MTO1: variants seen among roughly 807,000 people sequenced by gnomAD.
MTO1 encodes the protein 5-taurinomethyluridine-[tRNA] synthase subunit MTO1, mitochondrial.
Under a neutral mutation model 71.6 loss-of-function variants are expected in MTO1, and 46 were observed. The ratio of observed to expected loss-of-function variants is 0.64; its 90% confidence interval spans 0.51 to 0.82. The LOEUF (loss-of-function observed/expected upper bound fraction) is 0.82. Among genes scored for constraint, MTO1 ranks in the 40% least tolerant of loss-of-function variants. The probability of loss-of-function intolerance (pLI) is 0.00; values close to 1 mark genes in which losing one functional copy is unlikely to be tolerated. For missense variants in MTO1, 773 were observed against 867.5 expected, an observed-to-expected ratio of 0.89 and a Z score of 1.37; for synonymous variants, 297 against 312.1, an observed-to-expected ratio of 0.95 and a Z score of 0.51.
At chr6:73,485,940 TAC>T (rs57534567) in intron 9 of MTO1, among the ~76,000 whole-genome samples, 18 of 151,016 alleles carry the variant, frequency 1.2e-4, no homozygotes, top group African/African-American at 2.2e-4. Context: ...GCGTAACACA[TAC>T]ACACACACAC....
chr6:73,477,951 C>T (rs887145442), intron 4 of MTO1, among the ~76,000 whole-genome samples: 9 of 151,978 alleles, frequency 5.9e-5, no homozygotes, highest in African/African-American at 1.9e-4. Context: ...ACCTATCTCT[C>T]GAGTTTTAAA....
intron 9 of MTO1, chr6:73,488,009 G>A (rs1277788163): frequency 6.6e-6 from 1 of 152,096 alleles, no homozygotes; most frequent in Non-Finnish European, 1.5e-5. Context: ...TCTGTTTTTT[G>A]ATAGTAGCCA....
chr6:73,479,737 AGAT>A lies in MTO1; in HGVS notation c.832_834del (p.Asp278del). On this transcript the variant is annotated inframe_deletion, in exon 5 of 12. Coordinates refer to ENST00000498286, the MANE Select transcript of MTO1 (RefSeq NM_012123.4). Reference sequence around the variant, plus strand: ...ATCTGGTTACTGTTTTTTAGCCAGAAGATCAGCTGCCATGTTACTTGACTCACA... The same window carrying A: ...ATCTGGTTACTGTTTTTTAGCCAGAACAGCTGCCATGTTACTTGACTCACA... 1 of 1,609,600 alleles carries A rather than the reference AGAT, an allele frequency of 6.2e-7. No individual in the cohort carries two copies. The highest frequency in any genetic ancestry group is 1.7e-5 in the Admixed American group (1 of 59,118).
intron 9 of MTO1, 167 bp from the exon 10 acceptor site, chr6:73,492,067 A>C: frequency 2.0e-6 from 1 of 508,892 alleles, no homozygotes; most frequent in Non-Finnish European, 3.5e-6. Context: ...GTACCACTGC[A>C]CTACAGTTGA....
At position 73,482,634 on chromosome 6, in the gene MTO1, A is replaced by G. The variant is rs758677986; in HGVS notation, c.1637+14A>G. 8.3e-6 allele frequency: 13 copies of G among 1,569,090 alleles called. No homozygotes were observed. Among genetic ancestry groups the G allele is most frequent in the African/African-American group, 1.4e-5 (1 of 72,442 alleles). On this transcript the variant is annotated intron_variant, in intron 9 of 11. Coordinates refer to ENST00000498286, the MANE Select transcript of MTO1 (RefSeq NM_012123.4). The stretch of plus-strand genomic sequence containing the variant: ...TCTGCCTGTCAGGTATGCATTTTTA[A>G]TATAGACCTTTCTCACTTTTTATAG...
At position 73,507,713 on chromosome 6, in the gene MTO1, C is replaced by T. The variant is rs563059779; in HGVS notation, c.*6978C>T. The stretch of plus-strand genomic sequence containing the variant: ...TCCATCCCGGCAGGGTGCGGTGGCT[C>T]ACGCCTGTAATCCCAACACTTTGGG... On this transcript the variant is annotated 3_prime_UTR_variant, in exon 12 of 12. Coordinates refer to ENST00000498286, the MANE Select transcript of MTO1 (RefSeq NM_012123.4). 6.6e-6 allele frequency: 1 copy of T among 152,298 alleles called. No homozygotes were observed. Among genetic ancestry groups the T allele is most frequent in the Non-Finnish European group, 1.5e-5 (1 of 68,132 alleles). 9.4% of individuals were successfully genotyped at this position (152,298 alleles called of 1,614,324 possible).
chr6:73,500,607 C>A lies in MTO1; in HGVS notation c.1951C>A (p.Pro651Thr). 6.2e-7 allele frequency: 1 copy of A among 1,613,816 alleles called. No homozygotes were observed. The change falls in exon 12 of 12, where the codon CCT becomes ACT. Residue 651 changes from proline to threonine, a missense_variant. Pro to Thr is a conservative substitution (Grantham distance 38, BLOSUM62 -1). Coordinates refer to ENST00000498286, the MANE Select transcript of MTO1 (RefSeq NM_012123.4). ...TGCTAGTCGCATACCCGGAGTAACACCTGCCGCCATCATCAATCTGCTGAG... is the reference window on the plus strand; with the variant it reads ...TGCTAGTCGCATACCCGGAGTAACAACTGCCGCCATCATCAATCTGCTGAG... ...GAASRIPGVT[P>T]AAIINLLRFV...
chr6:73,473,422 G>C lies in MTO1; in HGVS notation c.593G>C (p.Arg198Thr), dbSNP rs139496338. The C allele has an allele frequency of 4.6e-5, 75 of 1,614,066 alleles. No homozygotes were observed. Among genetic ancestry groups the C allele is most frequent in the Non-Finnish European group, 6.1e-5 (72 of 1,180,050 alleles). Residue 198 changes from arginine to threonine, a missense_variant, in exon 4 of 12, where the codon AGA becomes ACA. Transcript: ENST00000498286. ...SVILTTGTFL[R>T]GMIVIGLETH... Reference sequence around the variant, plus strand: ...ATTCTGACTACTGGGACATTTCTGAGAGGCATGATTGTAATTGGATTGGAG... The same window carrying C: ...ATTCTGACTACTGGGACATTTCTGACAGGCATGATTGTAATTGGATTGGAG...
intron 11 of MTO1, among the ~76,000 whole-genome samples, chr6:73,498,315 G>A (rs528755407): frequency 6.6e-6 from 1 of 151,914 alleles, no homozygotes; most frequent in East Asian, 1.9e-4. Context: ...CTAAATAACT[G>A]GAAGTCAAGA....
intron 11 of MTO1, 34 bp downstream of exon 11, chr6:73,497,930 A>G: frequency 6.4e-7 from 1 of 1,564,036 alleles, no homozygotes; most frequent in South Asian, 1.1e-5. Context: ...GAAACAAGTT[A>G]TAGATAAAGA....
intron 1 of MTO1, among the ~76,000 whole-genome samples, chr6:73,463,681 T>C (rs1770894011): frequency 1.3e-5 from 2 of 152,142 alleles, no homozygotes; most frequent in Admixed American, 1.3e-4. Flanking sequence ...GAGAGGAGGC[T>C]ATATGATTTC....
In MTO1 at chr6:73,504,440, A is replaced by T. The variant is rs1772234787; in HGVS notation, c.*3705A>T. 1 of 152,212 alleles carries T rather than the reference A, an allele frequency of 6.6e-6. No homozygotes were observed. The highest frequency in any genetic ancestry group is 1.5e-5 in the Non-Finnish European group (1 of 68,044). The allele number at this position is 152,212 out of a possible 1,614,324, so 9.4% of individuals were successfully genotyped here. ...GCCACCATGTGCCTGGCCCTACCTTAATGTTAATATCTGTCTACCTTAAGA... is the reference window on the plus strand; with the variant it reads ...GCCACCATGTGCCTGGCCCTACCTTTATGTTAATATCTGTCTACCTTAAGA... On this transcript the variant is annotated 3_prime_UTR_variant, in exon 12 of 12. Coordinates refer to ENST00000498286, the MANE Select transcript of MTO1 (RefSeq NM_012123.4).
At chr6:73,488,766 A>G (rs1771728316) in intron 9 of MTO1, among the ~76,000 whole-genome samples, 1 of 152,028 alleles carries the variant, frequency 6.6e-6, no homozygotes, top group Admixed American at 6.6e-5. Flanking sequence ...AAAAAAAAAA[A>G]AATTAGCCAC....
At chr6:73,479,673 G>A (rs1771429028) in intron 4 of MTO1, 59 bp from the exon 5 acceptor site, 1 of 1,359,830 alleles carries the variant, frequency 7.4e-7, no homozygotes, top group Non-Finnish European at 1.0e-6. Flanking sequence ...AATTTATTTG[G>A]ATAAGAGAGA....
At chr6:73,472,799 T>C (rs1040471592) in intron 3 of MTO1, among the ~76,000 whole-genome samples, 1 of 152,196 alleles carries the variant, frequency 6.6e-6, no homozygotes, top group Non-Finnish European at 1.5e-5. Context: ...GGTATACTTG[T>C]ATCAAAACAC....
chr6:73,497,090 A>G (rs1018466954), intron 10 of MTO1, among the ~76,000 whole-genome samples: 5 of 151,382 alleles, frequency 3.3e-5, no homozygotes, highest in African/African-American at 1.2e-4. Flanking sequence ...AGGACATAAA[A>G]TTCAACCTCA....
intron 10 of MTO1, among the ~76,000 whole-genome samples, chr6:73,496,511 T>G (rs541502006): frequency 6.6e-6 from 1 of 151,938 alleles, no homozygotes; most frequent in South Asian, 2.1e-4. Context: ...TACTTTAAAT[T>G]TTAGGGTACA....
chr6:73,472,295 C>T (rs866506857), intron 3 of MTO1, among the ~76,000 whole-genome samples: 1 of 151,978 alleles, frequency 6.6e-6, no homozygotes. Context: ...CATTACTTGT[C>T]CTTTTGGTTT....
intron 9 of MTO1, among the ~76,000 whole-genome samples, chr6:73,483,935 C>T (rs1019893751): frequency 1.3e-5 from 2 of 151,930 alleles, no homozygotes; most frequent in South Asian, 4.2e-4. Context: ...TGCACCACCA[C>T]ACCCGGCTAA....
Sources: allele counts gnomAD v4.1 joint callset (sites outside exome capture counted in the v4.1 genomes callset), GRCh38; gene constraint gnomAD v4.1.1; transcripts MANE v1.5; gene names NCBI Gene and HGNC (gene_info 2026-07-23, HGNC 2026-07-21).